The following CCDC91 variants were observed in gnomAD, a reference collection of about 807,000 sequenced individuals.
CCDC91 encodes coiled-coil domain containing 91.
Under a neutral mutation model 63.2 loss-of-function variants are expected in CCDC91, and 48 were observed. That is an observed-to-expected ratio of 0.76 (90% confidence interval 0.60 to 0.97). The LOEUF (loss-of-function observed/expected upper bound fraction) is 0.97. CCDC91 is among the 50% of genes least tolerant of loss of function. CCDC91 has a pLI of 0.00. For synonymous variants in CCDC91, 167 were observed against 165.8 expected (o/e 1.01, Z -0.06); for missense variants, 500 against 494.6 (o/e 1.01, Z -0.10).
intron 12 of CCDC91, among the ~76,000 whole-genome samples, chr12:28,495,483 C>T (rs1179105939): frequency 6.6e-6 from 1 of 151,554 alleles, no homozygotes; most frequent in Non-Finnish European, 1.5e-5. Context: ...TAACCATTTC[C>T]TCCTGCTTCT....
chr12:28,202,003 CGGGAGAGGGAGA>C (rs374392732), intron 1 of CCDC91, among the ~76,000 whole-genome samples: 9 of 152,042 alleles, frequency 5.9e-5, no homozygotes, highest in African/African-American at 7.2e-5. Flanking sequence ...GGCTCGGCAT[CGGGAGAGGGAGA>C]GGGAGAGGGA....
chr12:28,498,706 C>G (rs1952450481), intron 12 of CCDC91, among the ~76,000 whole-genome samples: 3 of 151,570 alleles, frequency 2.0e-5, no homozygotes, highest in Admixed American at 6.6e-5. Flanking sequence ...ATTTTTTCTT[C>G]TTAGTGCATA....
chr12:28,489,146 A>G (rs1054865533), intron 12 of CCDC91, among the ~76,000 whole-genome samples: 3 of 151,918 alleles, frequency 2.0e-5, no homozygotes, highest in Non-Finnish European at 4.4e-5. Flanking sequence ...CTTGCGGGGA[A>G]AGTTTCTTCT....
At chr12:28,513,174 C>T (rs547984377) in intron 12 of CCDC91, among the ~76,000 whole-genome samples, 2 of 151,878 alleles carry the variant, frequency 1.3e-5, no homozygotes, top group South Asian at 2.1e-4. Flanking sequence ...AAGGGAAATC[C>T]GATGCAGCTA....
At chr12:28,202,906 G>T (rs1244070429) in intron 1 of CCDC91, among the ~76,000 whole-genome samples, 1 of 152,228 alleles carries the variant, frequency 6.6e-6, no homozygotes, top group Non-Finnish European at 1.5e-5. Context: ...TAAACAGTTG[G>T]CTCTGTTTGT....
intron 11 of CCDC91, among the ~76,000 whole-genome samples, chr12:28,471,758 C>CTCTTTTTT (rs1950827181): frequency 6.7e-6 from 1 of 149,354 alleles, no homozygotes; most frequent in Non-Finnish European, 1.5e-5. Flanking sequence ...TTTTCTCTCT[C>CTCTTTTTT]TTTTTTTTTG....
chr12:28,423,078 A>C (rs1358790260), intron 8 of CCDC91, among the ~76,000 whole-genome samples: 1 of 152,092 alleles, frequency 6.6e-6, no homozygotes, highest in Non-Finnish European at 1.5e-5. Context: ...TAGTGAAAAT[A>C]CAACAGTTGT....
chr12:28,197,819 T>A (rs927920413), intron 1 of CCDC91, among the ~76,000 whole-genome samples: 5 of 152,128 alleles, frequency 3.3e-5, no homozygotes, highest in Non-Finnish European at 5.9e-5. Flanking sequence ...TCTATTCTTA[T>A]TTTCTAAGTG....
At chr12:28,381,712 T>A (rs564909717) in intron 7 of CCDC91, among the ~76,000 whole-genome samples, 1 of 152,262 alleles carries the variant, frequency 6.6e-6, no homozygotes, top group South Asian at 2.1e-4. Context: ...GTAGCCAATT[T>A]TTTTGATAAT....
intron 1 of CCDC91, 53 bp downstream of exon 1, chr12:28,190,694 A>C (rs1250068459): frequency 1.3e-5 from 2 of 152,118 alleles, no homozygotes; most frequent in Non-Finnish European, 2.9e-5. Context: ...GGGCCGCGCG[A>C]GGCGAGCGGA....
At chr12:28,305,886 C>CT in intron 4 of CCDC91, 80 bp downstream of exon 4, 4 of 1,194,362 alleles carry the variant, frequency 3.3e-6, no homozygotes, top group Non-Finnish European at 4.7e-6. Flanking sequence ...TTTTTAATTT[C>CT]TTTTTTAGCC....
intron 11 of CCDC91, among the ~76,000 whole-genome samples, chr12:28,468,072 GAAAT>G (rs374363294): frequency 2.0e-5 from 3 of 151,834 alleles, no homozygotes; most frequent in African/African-American, 7.2e-5. Flanking sequence ...TGAAAGAAAA[GAAAT>G]AATAAAGATC....
At chr12:28,210,773 T>C (rs1427570311) in intron 1 of CCDC91, among the ~76,000 whole-genome samples, 1 of 151,690 alleles carries the variant, frequency 6.6e-6, no homozygotes, top group Non-Finnish European at 1.5e-5. Flanking sequence ...TAAAAAATGG[T>C]AAAGGACACC....
chr12:28,330,507 A>G (rs1473858000), intron 6 of CCDC91, among the ~76,000 whole-genome samples: 2 of 150,564 alleles, frequency 1.3e-5, no homozygotes, highest in East Asian at 3.9e-4. Context: ...TAGATTCTGC[A>G]TATTAGCTGT....
At chr12:28,365,996 C>T (rs190084828) in intron 7 of CCDC91, among the ~76,000 whole-genome samples, 2 of 149,358 alleles carry the variant, frequency 1.3e-5, no homozygotes, top group East Asian at 3.9e-4. Context: ...AAAAAATGCT[C>T]CTTAGAAAAG....
chr12:28,205,876 C>T (rs1239565659), intron 1 of CCDC91, among the ~76,000 whole-genome samples: 1 of 152,172 alleles, frequency 6.6e-6, no homozygotes, highest in Non-Finnish European at 1.5e-5. Context: ...TTTGCTTTAG[C>T]AGTTCTCCCC....
At chr12:28,250,445 T>G (rs947892015) in intron 1 of CCDC91, among the ~76,000 whole-genome samples, 19 of 152,122 alleles carry the variant, frequency 1.2e-4, no homozygotes, top group Non-Finnish European at 2.4e-4. Flanking sequence ...CTTCTTTAAT[T>G]CAGCTTCATA....
At chr12:28,388,881 T>G (rs1945769508) in intron 7 of CCDC91, among the ~76,000 whole-genome samples, 1 of 152,170 alleles carries the variant, frequency 6.6e-6, no homozygotes, top group Non-Finnish European at 1.5e-5. Context: ...GACTTAAATC[T>G]AAGACCTGAA....
At chr12:28,332,494 A>T (rs1459815165) in intron 6 of CCDC91, among the ~76,000 whole-genome samples, 2 of 152,220 alleles carry the variant, frequency 1.3e-5, no homozygotes, top group East Asian at 3.8e-4. Context: ...CACTACTTTT[A>T]TATACCTGTA....
Sources: allele counts gnomAD v4.1 joint callset (sites outside exome capture counted in the v4.1 genomes callset), GRCh38; gene constraint gnomAD v4.1.1; transcripts MANE v1.5; gene names NCBI Gene and HGNC (gene_info 2026-07-23, HGNC 2026-07-21).